ADAMTS6: variants seen among roughly 807,000 people sequenced by gnomAD.
The protein encoded by ADAMTS6 is A disintegrin and metalloproteinase with thrombospondin motifs 6.
Under a neutral mutation model 144.3 loss-of-function variants are expected in ADAMTS6, and 23 were observed. The ratio of observed to expected loss-of-function variants is 0.16; its 90% CI spans 0.11 to 0.23. The LOEUF (loss-of-function observed/expected upper bound fraction) is 0.23, where lower values mean the gene tolerates loss of function less well. Ranked by LOEUF, ADAMTS6 falls within the 10% of genes least tolerant of loss-of-function variation. The pLI, the probability that ADAMTS6 is intolerant of heterozygous loss-of-function variation, is 1.00. For missense variants in ADAMTS6, 999 were observed against 1,379.6 expected, an observed-to-expected ratio of 0.72 and a Z score of 4.37; for synonymous variants, 444 against 457.5, an observed-to-expected ratio of 0.97 and a Z score of 0.38.
At chr5:65,225,632 T>A (rs981113739) in intron 16 of ADAMTS6, among the ~76,000 whole-genome samples, 2 of 152,158 alleles carry the variant, frequency 1.3e-5, no homozygotes, top group Admixed American at 1.3e-4. Flanking sequence ...ATGAAAACCA[T>A]TGTAAATGCT....
chr5:65,302,938 T>C (rs1311944864), intron 9 of ADAMTS6, among the ~76,000 whole-genome samples: 2 of 152,130 alleles, frequency 1.3e-5, no homozygotes, highest in African/African-American at 4.8e-5. Context: ...CTTCTACTTT[T>C]AAAATCCTAT....
At chr5:65,446,884 T>C (rs976823250) in intron 7 of ADAMTS6, among the ~76,000 whole-genome samples, 1 of 152,154 alleles carries the variant, frequency 6.6e-6, no homozygotes, top group African/African-American at 2.4e-5. Context: ...TTGATGATAA[T>C]GATGATTGCA....
intron 9 of ADAMTS6, among the ~76,000 whole-genome samples, chr5:65,322,475 C>T (rs1745709318): frequency 6.6e-6 from 1 of 150,892 alleles, no homozygotes. Context: ...TGGTCATTTT[C>T]TTGTTATTGA....
rs986558461 is a variant in ADAMTS6 at position 65,354,012 on chromosome 5, C to T, written c.1074-19927G>A. On this transcript the variant is annotated intron_variant, in intron 7 of 24. Transcript: ENST00000381055. ...TGCAGTGTTCATGGTTTCTTCCATA[C>T]GTGTTATTTTCTTTCCCCATACCTC... Among the ~76,000 whole-genome samples the T allele has an allele frequency of 3.3e-5, 5 of 151,886 alleles. No individual in the cohort carries two copies. In the South Asian group the frequency reaches 6.2e-4, roughly 19 times the overall value.
chr5:65,432,116 A>T (rs552043182), intron 7 of ADAMTS6, among the ~76,000 whole-genome samples: 10 of 152,028 alleles, frequency 6.6e-5, no homozygotes, highest in Non-Finnish European at 1.5e-4. Context: ...AATAAGAATA[A>T]AATTTTTAAA....
chr5:65,300,920 C>T lies in ADAMTS6; in HGVS notation c.1224-789G>A, dbSNP rs143304955. ...TGCTGGGATTAAAGGCGGGAGCCAC[C>T]GCGCCCGGCCGTAAGTCCTTTTTCT... is the stretch of plus-strand genomic sequence containing the variant. On this transcript the variant is annotated intron_variant, in intron 9 of 24. Coordinates refer to ENST00000381055, the MANE Select transcript of ADAMTS6 (RefSeq NM_197941.4). Among the ~76,000 whole-genome samples the T allele has an allele frequency of 5.9e-3, 898 of 152,180 alleles. 8 individuals carry two copies. The highest frequency in any genetic ancestry group is 0.021 in the African/African-American group (867 of 41,516).
intron 3 of ADAMTS6, among the ~76,000 whole-genome samples, chr5:65,467,039 C>CAAA (rs35854972): frequency 9.2e-6 from 1 of 109,240 alleles, no homozygotes; most frequent in African/African-American, 3.0e-5. Context: ...GACTCCGTCT[C>CAAA]AAAAAAAAAA....
chr5:65,287,044 T>C (rs1208750344), intron 11 of ADAMTS6, among the ~76,000 whole-genome samples: 1 of 152,228 alleles, frequency 6.6e-6, no homozygotes, highest in Non-Finnish European at 1.5e-5. Context: ...CAATGTATTT[T>C]CATCCAGGAA....
chr5:65,274,446 T>G (rs1217985983), intron 11 of ADAMTS6, among the ~76,000 whole-genome samples: 22 of 152,188 alleles, frequency 1.4e-4, no homozygotes, highest in Non-Finnish European at 3.1e-4. Context: ...TAACATCACA[T>G]TTAATCCTTT....
intron 8 of ADAMTS6, among the ~76,000 whole-genome samples, chr5:65,333,616 T>C (rs567205104): frequency 1.2e-3 from 186 of 152,032 alleles, no homozygotes; most frequent in African/African-American, 4.4e-3. Context: ...TTGTGTTTTT[T>C]TTTTCTTTCC....
rs746121913 is a variant in ADAMTS6, at chr5:65,188,253, C to A, written c.2706-33G>T. On this transcript the variant is annotated intron_variant, in intron 21 of 24. Transcript: ENST00000381055. ...AAGACATGGAAGAAACACAGAAAAG[C>A]ATTTCCTCAGTGCATCCAGAGATTT... The A allele has an allele frequency of 5.0e-6, 8 of 1,607,046 alleles. No homozygotes were observed. In the South Asian group the frequency reaches 7.7e-5, roughly 15 times the overall value.
chr5:65,170,856 C>T, intron 23 of ADAMTS6, 83 bp from the exon 24 acceptor site: 2 of 1,418,740 alleles, frequency 1.4e-6, no homozygotes, highest in Non-Finnish European at 1.9e-6. Flanking sequence ...ATTTCAAATA[C>T]AACACAATAT....
intron 7 of ADAMTS6, among the ~76,000 whole-genome samples, chr5:65,407,909 T>A (rs1336518668): frequency 2.0e-5 from 3 of 152,104 alleles, no homozygotes; most frequent in Admixed American, 6.6e-5. Context: ...GCTTCATAAG[T>A]GAAGGAGAAA....
At chr5:65,355,949 T>C (rs913418738) in intron 7 of ADAMTS6, among the ~76,000 whole-genome samples, 2 of 151,866 alleles carry the variant, frequency 1.3e-5, no homozygotes, top group Non-Finnish European at 2.9e-5. Context: ...AATTGTTTCC[T>C]GTTATCCCCT....
intron 7 of ADAMTS6, among the ~76,000 whole-genome samples, chr5:65,381,347 A>G (rs1207296582): frequency 6.6e-6 from 1 of 151,712 alleles, no homozygotes; most frequent in African/African-American, 2.4e-5. Flanking sequence ...GCAAAATGGA[A>G]ACTATGAAGG....
At position 65,404,761 on chromosome 5, in the gene ADAMTS6, A is replaced by C. The variant is rs1754289403; in HGVS notation, c.1073+46714T>G. Among the ~76,000 whole-genome samples, 4 of 152,332 alleles carry C rather than the reference A, an allele frequency of 2.6e-5. No individual in the cohort carries two copies. In the South Asian group the frequency reaches 8.3e-4, roughly 32 times the overall value. On this transcript the variant is annotated intron_variant, in intron 7 of 24. Transcript: ENST00000381055. ...GGTTGAACTAGTTTACAGTCCCACC[A>C]ACAGTGTAAAGTGTTCCTATTTCTC...
At chr5:65,160,725 T>C (rs1752719620) in intron 24 of ADAMTS6, among the ~76,000 whole-genome samples, 1 of 149,410 alleles carries the variant, frequency 6.7e-6, no homozygotes, top group Non-Finnish European at 1.5e-5. Flanking sequence ...TGATCTCAGC[T>C]GACCGCAACT....
intron 20 of ADAMTS6, among the ~76,000 whole-genome samples, chr5:65,208,241 A>G (rs1756252926): frequency 6.6e-6 from 1 of 152,220 alleles, no homozygotes. Context: ...CAGTTTCAAA[A>G]GCAGTACTTC....
intron 9 of ADAMTS6, among the ~76,000 whole-genome samples, chr5:65,310,002 G>GA (rs1269675457): frequency 6.6e-6 from 1 of 151,980 alleles, no homozygotes; most frequent in Non-Finnish European, 1.5e-5. Context: ...GGTGTGTTGG[G>GA]AGGTGACTGG....
Sources: gnomAD v4.1 joint callset for allele counts (sites outside exome capture counted in the v4.1 genomes callset) on GRCh38, gnomAD v4.1.1 for gene constraint, MANE v1.5 for transcripts, NCBI Gene and HGNC (gene_info 2026-07-23, HGNC 2026-07-21) for gene names.